The following PI4K2B variants were observed in gnomAD, a reference collection of about 807,000 sequenced individuals.
PI4K2B encodes the protein phosphatidylinositol 4-kinase type 2-beta.
In PI4K2B, 46 loss-of-function variants were observed where a neutral mutation model predicts 56.6. That is an observed-to-expected ratio of 0.81 (90% confidence interval 0.64 to 1.04). The LOEUF (loss-of-function observed/expected upper bound fraction) is 1.04, where lower values mean the gene tolerates loss of function less well. PI4K2B is among the 50% of genes least tolerant of loss of function. The probability of loss-of-function intolerance (pLI) is 0.00; values close to 1 mark genes in which losing one functional copy is unlikely to be tolerated. For synonymous variants in PI4K2B, 211 were observed against 223.8 expected, an observed-to-expected ratio of 0.94 and a Z score of 0.51; for missense variants, 556 against 607.7, an observed-to-expected ratio of 0.91 and a Z score of 0.89.
At chr4:25,240,143 C>T (rs1715454060) in intron 1 of PI4K2B, among the ~76,000 whole-genome samples, 1 of 152,180 alleles carries the variant, frequency 6.6e-6, no homozygotes, top group Admixed American at 6.5e-5. Flanking sequence ...TCATGTTGCC[C>T]AACTCCAGAG....
At chr4:25,250,334 T>C (rs1716002322) in intron 1 of PI4K2B, among the ~76,000 whole-genome samples, 2 of 152,132 alleles carry the variant, frequency 1.3e-5, no homozygotes, top group South Asian at 4.1e-4. Context: ...CTCAGTGAAC[T>C]AACACAGGAA....
intron 3 of PI4K2B, 81 bp from the exon 4 acceptor site, chr4:25,256,462 T>G: frequency 7.7e-7 from 1 of 1,291,526 alleles, no homozygotes; most frequent in Non-Finnish European, 1.1e-6. Context: ...ATTTTCATCA[T>G]TAGAGTGAGT....
rs756634486 is a variant in PI4K2B, at chr4:25,252,328, T to C, written c.276T>C (p.Ile92=). 16 of 1,609,092 alleles carry C rather than the reference T, an allele frequency of 9.9e-6. No homozygotes were observed. The highest frequency in any genetic ancestry group is 1.3e-5 in the Non-Finnish European group (15 of 1,175,750). The change falls in exon 2 of 10, where the codon ATT becomes ATC. Residue 92 remains isoleucine, a synonymous_variant. Coordinates refer to ENST00000264864, the MANE Select transcript of PI4K2B (RefSeq NM_018323.4). ...TATTTCTTCTTAATGCAGTAACTAT[T>C]GGTACTTCAGAGATGAATGCATTCT... is the stretch of plus-strand genomic sequence containing the variant. ...DRSRPAVSVT[I]GTSEMNAFLD... is the part of the protein sequence containing the mutation.
chr4:25,266,419 G>C (rs1483223669), intron 7 of PI4K2B, among the ~76,000 whole-genome samples: 1 of 152,196 alleles, frequency 6.6e-6, no homozygotes, highest in Non-Finnish European at 1.5e-5. Context: ...CCCAGTCTGA[G>C]TCTTTTAATA....
chr4:25,257,432 G>A (rs1037290480), intron 4 of PI4K2B, among the ~76,000 whole-genome samples: 8 of 152,060 alleles, frequency 5.3e-5, no homozygotes, highest in African/African-American at 1.9e-4. Context: ...GTTGTTGTGA[G>A]GAGAAAACTA....
chr4:25,251,847 G>T (rs762791084), intron 1 of PI4K2B, among the ~76,000 whole-genome samples: 1 of 148,354 alleles, frequency 6.7e-6, no homozygotes, highest in Non-Finnish European at 1.5e-5. Flanking sequence ...TATTTGGACG[G>T]TGTCTCGCTC....
At position 25,255,065 on chromosome 4, in the gene PI4K2B, A is replaced by G. The variant is rs1449815548; in HGVS notation, c.424A>G (p.Lys142Glu). The change falls in exon 3 of 10, where the codon AAA becomes GAA. Residue 142 changes from lysine to glutamate, a missense_variant and splice_region_variant. Coordinates refer to ENST00000264864, the MANE Select transcript of PI4K2B (RefSeq NM_018323.4). Reference sequence around the variant, plus strand: ...TAAGATTTTTACTTTTTTGCTCTAGAAAATTATTGGTGTGTTTAAACCCAA... The same window carrying G: ...TAAGATTTTTACTTTTTTGCTCTAGGAAATTATTGGTGTGTTTAAACCCAA... ...GSYFVKDPKR[K>E]IIGVFKPKSE... 3.1e-6 allele frequency: 5 copies of G among 1,607,144 alleles called. No homozygotes were observed. In the South Asian group the frequency reaches 5.5e-5, roughly 18 times the overall value.
chr4:25,253,608 TTG>T (rs1162010119), intron 2 of PI4K2B, among the ~76,000 whole-genome samples: 1 of 152,234 alleles, frequency 6.6e-6, no homozygotes, highest in African/African-American at 2.4e-5. Context: ...ATTATATTTA[TTG>T]TGTTATAAAG....
At position 25,278,758 on chromosome 4, in the gene PI4K2B, G is replaced by A. The variant is rs147586909; in HGVS notation, c.*1571G>A. 6 of 152,748 alleles carry A rather than the reference G, an allele frequency of 3.9e-5. No individual in the cohort carries two copies. The highest frequency in any genetic ancestry group is 6.5e-5 in the Admixed American group (1 of 15,310). The allele number at this position is 152,748 out of a possible 1,614,324, so 9.5% of individuals were successfully genotyped here. On this transcript the variant is annotated 3_prime_UTR_variant, in exon 10 of 10. Coordinates refer to ENST00000264864, the MANE Select transcript of PI4K2B (RefSeq NM_018323.4). ...ATGTTTTCTAAGAGAAAGGAAATAC[G>A]TTGCAGTGATGTGGGTACTGCTTTC...
chr4:25,260,205 G>A (rs1016369502), intron 5 of PI4K2B, among the ~76,000 whole-genome samples: 1 of 152,058 alleles, frequency 6.6e-6, no homozygotes, highest in African/African-American at 2.4e-5. Context: ...TTCCTAAAGT[G>A]AAGAAAAGCT....
rs1716101366 is a variant in PI4K2B, at chr4:25,252,546, G to GT, written c.423+72dup. ...ATACTAATTTAAATATGAAATCATTGTGAGTTTCTAAAGATATTTTCCTAT... is the reference window on the plus strand; with the variant it reads ...ATACTAATTTAAATATGAAATCATTGTTGAGTTTCTAAAGATATTTTCCTAT... On this transcript the variant is annotated intron_variant, in intron 2 of 9. Coordinates refer to ENST00000264864, the MANE Select transcript of PI4K2B (RefSeq NM_018323.4). 4 of 972,784 alleles carry GT rather than the reference G, an allele frequency of 4.1e-6. 1 individual carries two copies. The highest frequency in any genetic ancestry group is 6.4e-6 in the Non-Finnish European group (4 of 626,496). 60.3% of individuals were successfully genotyped at this position (972,784 alleles called of 1,614,324 possible).
At position 25,257,722 on chromosome 4, in the gene PI4K2B, C is replaced by T. The variant is rs148616029; in HGVS notation, c.756+1048C>T. ...ATTTCAGTAGGAATTCATCATTAAC[C>T]TAACTTTTAAGATAAATTTTACTCA... On this transcript the variant is annotated intron_variant, in intron 4 of 9. Transcript: ENST00000264864. 3.2e-3 allele frequency among the ~76,000 whole-genome samples: 488 copies of T among 152,248 alleles called. 1 individual carries two copies. Among genetic ancestry groups the T allele is most frequent in the African/African-American group, 0.011 (470 of 41,558 alleles).
chr4:25,240,830 T>A (rs1438045658), intron 1 of PI4K2B, among the ~76,000 whole-genome samples: 1 of 152,218 alleles, frequency 6.6e-6, no homozygotes, highest in Non-Finnish European at 1.5e-5. Context: ...TCCTTCTCTT[T>A]GTCACTTTCT....
At chr4:25,244,233 C>T (rs185517693) in intron 1 of PI4K2B, among the ~76,000 whole-genome samples, 6 of 152,078 alleles carry the variant, frequency 3.9e-5, no homozygotes, top group East Asian at 3.9e-4. Flanking sequence ...ACCAATAGCC[C>T]GGGGGTTTGT....
At position 25,269,133 on chromosome 4, in the gene PI4K2B, T is replaced by C; in HGVS notation, c.1213-11T>C. Reference sequence around the variant, plus strand: ...TTATTTTGGGAATTGTTTTTTTCCTTTCTATAATAGACTGACAAAGGATTT... The same window carrying C: ...TTATTTTGGGAATTGTTTTTTTCCTCTCTATAATAGACTGACAAAGGATTT... On this transcript the variant is annotated splice_polypyrimidine_tract_variant and intron_variant, in intron 8 of 9. Transcript: ENST00000264864. The C allele has an allele frequency of 6.6e-7, 1 of 1,513,934 alleles. No individual in the cohort carries two copies. Among genetic ancestry groups the C allele is most frequent in the East Asian group, 2.3e-5 (1 of 44,122 alleles). The allele number at this position is 1,513,934 out of a possible 1,614,324, so 93.8% of individuals were successfully genotyped here.
intron 1 of PI4K2B, among the ~76,000 whole-genome samples, chr4:25,246,336 T>C (rs1305441114): frequency 6.6e-6 from 1 of 152,136 alleles, no homozygotes; most frequent in Non-Finnish European, 1.5e-5. Flanking sequence ...TACAGAGAGC[T>C]GATTGGTCCG....
intron 1 of PI4K2B, among the ~76,000 whole-genome samples, chr4:25,235,469 A>G (rs534893364): frequency 2.6e-4 from 39 of 152,344 alleles, no homozygotes; most frequent in Middle Eastern, 6.8e-3. Flanking sequence ...CGGTCACTCA[A>G]GTTCTAGCTA....
At chr4:25,266,040 T>A (rs1228968801) in intron 7 of PI4K2B, among the ~76,000 whole-genome samples, 1 of 152,004 alleles carries the variant, frequency 6.6e-6, no homozygotes, top group Non-Finnish European at 1.5e-5. Flanking sequence ...TTTTTTTTTT[T>A]AATCAGTGTG....
intron 1 of PI4K2B, among the ~76,000 whole-genome samples, chr4:25,243,339 G>A (rs1715613643): frequency 6.6e-6 from 1 of 152,180 alleles, no homozygotes; most frequent in African/African-American, 2.4e-5. Context: ...GGGGCAGCTT[G>A]TTTCTCATTG....
Sources: gnomAD v4.1 joint callset for allele counts (sites outside exome capture counted in the v4.1 genomes callset) on GRCh38, gnomAD v4.1.1 for gene constraint, MANE v1.5 for transcripts, NCBI Gene and HGNC (gene_info 2026-07-23, HGNC 2026-07-21) for gene names.